CFAP61: variants seen among roughly 807,000 people sequenced by gnomAD.
CFAP61 encodes cilia- and flagella-associated protein 61.
A neutral mutation model predicts 135.6 loss-of-function variants in CFAP61; 107 were observed. The observed-to-expected ratio is 0.79, with a 90% CI of 0.67 to 0.93. The LOEUF is 0.93. Ranked by LOEUF, CFAP61 falls within the 40% of genes least tolerant of loss-of-function variation. The probability of loss-of-function intolerance (pLI) is 0.00; values close to 1 mark genes in which losing one functional copy is unlikely to be tolerated. For missense variants in CFAP61, 1,507 were observed against 1,556.2 expected (o/e 0.97, Z 0.53); for synonymous variants, 575 against 578.5 (o/e 0.99, Z 0.09).
chr20:20,073,959 C>T (rs560160051), intron 3 of CFAP61: 110 of 230,516 alleles, frequency 4.8e-4, no homozygotes, highest in Middle Eastern at 1.6e-3. Flanking sequence ...TTGGCATAGA[C>T]ACCCCTGAGG....
intron 8 of CFAP61, among the ~76,000 whole-genome samples, chr20:20,118,094 C>A (rs1243902635): frequency 6.6e-6 from 1 of 152,052 alleles, no homozygotes; most frequent in Non-Finnish European, 1.5e-5. Flanking sequence ...TTGCCTAATT[C>A]TTCTGTCCAG....
intron 2 of CFAP61, among the ~76,000 whole-genome samples, chr20:20,068,516 C>A (rs1332632456): frequency 6.6e-6 from 1 of 152,152 alleles, no homozygotes; most frequent in Non-Finnish European, 1.5e-5. Flanking sequence ...TCGTATGGGG[C>A]CCCTGGACCA....
At chr20:20,123,521 A>G (rs551055891) in intron 8 of CFAP61, among the ~76,000 whole-genome samples, 3 of 151,516 alleles carry the variant, frequency 2.0e-5, no homozygotes, top group African/African-American at 7.3e-5. Context: ...TCCTTTCCCC[A>G]CTTTATGTTT....
chr20:20,072,838 A>G (rs1241232319), intron 3 of CFAP61, among the ~76,000 whole-genome samples: 2 of 152,234 alleles, frequency 1.3e-5, no homozygotes, highest in Admixed American at 6.5e-5. Context: ...TAATTTTTAT[A>G]ATGATTACTT....
intron 25 of CFAP61, among the ~76,000 whole-genome samples, chr20:20,302,316 T>G (rs755442727): frequency 9.9e-5 from 15 of 152,218 alleles, no homozygotes; most frequent in Admixed American, 3.9e-4. Flanking sequence ...CTTTTCCAAC[T>G]TTTATACTGT....
intron 9 of CFAP61, among the ~76,000 whole-genome samples, chr20:20,157,099 C>G (rs116063371): frequency 0.012 from 1,792 of 151,356 alleles, 43 homozygotes; most frequent in African/African-American, 0.042. Context: ...TCTTTTTTTT[C>G]TCTCTCTCTA....
At chr20:20,063,470 CTAAT>C (rs2044977642) in intron 2 of CFAP61, among the ~76,000 whole-genome samples, 1 of 152,088 alleles carries the variant, frequency 6.6e-6, no homozygotes, top group Admixed American at 6.5e-5. Context: ...ATTGATTAGT[CTAAT>C]TCATCAAATT....
intron 1 of CFAP61, 116 bp from the exon 2 acceptor site, chr20:20,056,501 GA>G: frequency 1.4e-6 from 1 of 698,266 alleles, no homozygotes; most frequent in Non-Finnish European, 2.4e-6. Context: ...ACACCCAGGG[GA>G]AAACGTGTCA....
At chr20:20,346,875 T>C (rs1430474431) in intron 26 of CFAP61, among the ~76,000 whole-genome samples, 2 of 152,148 alleles carry the variant, frequency 1.3e-5, no homozygotes, top group Admixed American at 1.3e-4. Context: ...AATAAGGAAA[T>C]AGATGACTTC....
Position 20,277,386 on chromosome 20 carries a change from C to T in CFAP61, c.2724C>T (p.Asp908=), listed in dbSNP as rs1481811423. Residue 908 remains aspartate, a synonymous_variant, in exon 22 of 27, where the codon GAC becomes GAT. Transcript: ENST00000245957. ...ATGCGATCCTGGCCCAGTGGAATGA[C>T]GGCCTGCACCCAGACCCCATCTACA... ...YRDAILAQWN[D]GLHPDPIYSA... is the part of the protein sequence containing the mutation. The T allele has an allele frequency of 1.2e-6, 2 of 1,614,082 alleles. No individual in the cohort carries two copies. Among genetic ancestry groups the T allele is most frequent in the East Asian group, 2.2e-5 (1 of 44,780 alleles).
At chr20:20,284,545 A>G (rs2054442733) in intron 22 of CFAP61, among the ~76,000 whole-genome samples, 1 of 152,164 alleles carries the variant, frequency 6.6e-6, no homozygotes, top group South Asian at 2.1e-4. Context: ...TCAGCCTCCC[A>G]AAGTGTTGGG....
intron 15 of CFAP61, among the ~76,000 whole-genome samples, chr20:20,194,007 A>T (rs2056111648): frequency 1.3e-5 from 2 of 152,184 alleles, no homozygotes; most frequent in African/African-American, 4.8e-5. Flanking sequence ...TTGATCCTTT[A>T]TGAATAAATG....
At chr20:20,277,113 A>C (rs903727876) in intron 21 of CFAP61, 53 bp from the exon 22 acceptor site, 3 of 1,395,342 alleles carry the variant, frequency 2.2e-6, no homozygotes, top group Admixed American at 1.9e-5. Flanking sequence ...CATTTGACTA[A>C]GGTTTTTTGG....
At chr20:20,184,441 CAAAAT>C (rs746505950) in intron 13 of CFAP61, 6 of 152,064 alleles carry the variant, frequency 3.9e-5, no homozygotes, top group Non-Finnish European at 7.4e-5. Flanking sequence ...CAGTGAAAAA[CAAAAT>C]AAAGAGAAAG....
At chr20:20,196,507 C>A in intron 15 of CFAP61, 63 bp from the exon 16 acceptor site, 1 of 1,237,120 alleles carries the variant, frequency 8.1e-7, no homozygotes, top group Non-Finnish European at 1.2e-6. Context: ...AGATATTTAT[C>A]ACAAAATGCA....
At chr20:20,286,305 C>T (rs1231331232) in intron 22 of CFAP61, among the ~76,000 whole-genome samples, 4 of 152,224 alleles carry the variant, frequency 2.6e-5, no homozygotes, top group Non-Finnish European at 4.4e-5. Context: ...CAGCCTCCAG[C>T]CAGGTTAGGA....
At chr20:20,095,855 A>C (rs1048495265) in intron 7 of CFAP61, among the ~76,000 whole-genome samples, 1 of 152,174 alleles carries the variant, frequency 6.6e-6, no homozygotes, top group African/African-American at 2.4e-5. Context: ...CCCAAAAGGG[A>C]TGGGTGGCTG....
intron 8 of CFAP61, among the ~76,000 whole-genome samples, chr20:20,116,412 G>A (rs907302727): frequency 4.6e-5 from 7 of 152,028 alleles, no homozygotes; most frequent in African/African-American, 1.4e-4. Flanking sequence ...CTCCTTTGCC[G>A]CGCAGAAACT....
At chr20:20,183,213 G>C (rs1045990102) in intron 13 of CFAP61, among the ~76,000 whole-genome samples, 1 of 151,234 alleles carries the variant, frequency 6.6e-6, no homozygotes, top group East Asian at 2.0e-4. Flanking sequence ...GGAGTGCAGT[G>C]GCACGACTTC....
Sources: gnomAD v4.1 joint callset for allele counts (sites outside exome capture counted in the v4.1 genomes callset) on GRCh38, gnomAD v4.1.1 for gene constraint, MANE v1.5 for transcripts, NCBI Gene and HGNC (gene_info 2026-07-23, HGNC 2026-07-21) for gene names.